CAST: variants seen among roughly 807,000 people sequenced by gnomAD.
CAST encodes calpastatin, also known as MIR583 host.
A neutral mutation model predicts 119.6 loss-of-function variants in CAST; 76 were observed. The observed-to-expected ratio is 0.64, with a 90% CI of 0.53 to 0.77. The LOEUF is 0.77. Ranked by LOEUF, CAST falls within the 30% of genes least tolerant of loss-of-function variation. The pLI is 0.00. For synonymous variants in CAST, 319 were observed against 331.6 expected, an observed-to-expected ratio of 0.96 and a Z score of 0.41; for missense variants, 953 against 946.5, an observed-to-expected ratio of 1.01 and a Z score of -0.09.
intron 9 of CAST, among the ~76,000 whole-genome samples, chr5:96,731,677 C>T (rs1413281425): frequency 6.7e-6 from 1 of 149,248 alleles, no homozygotes; most frequent in African/African-American, 2.5e-5. Flanking sequence ...CACAGTCCCC[C>T]GAGTGTGATA....
the CAST span, among the ~76,000 whole-genome samples, chr5:96,511,951 T>C: frequency 6.6e-6 from 1 of 152,240 alleles, no homozygotes; most frequent in Non-Finnish European, 1.5e-5. Flanking sequence ...GAAAGCCTTC[T>C]CAAAAGGAAA....
chr5:96,591,504 G>T (rs1182255857), intron 1 of CAST, among the ~76,000 whole-genome samples: 1 of 152,046 alleles, frequency 6.6e-6, no homozygotes, highest in African/African-American at 2.4e-5. Context: ...TTTGTCATCT[G>T]GTCTGAGTTA....
At chr5:96,356,759 G>A in the CAST span, among the ~76,000 whole-genome samples, 5 of 152,274 alleles carry the variant, frequency 3.3e-5, no homozygotes, top group African/African-American at 1.2e-4. Flanking sequence ...TTGAAGTCAG[G>A]TAGCGTGATG....
At chr5:96,038,363 C>T in the CAST span, among the ~76,000 whole-genome samples, 8 of 151,468 alleles carry the variant, frequency 5.3e-5, no homozygotes, top group African/African-American at 1.9e-4. Flanking sequence ...GCATAAATAC[C>T]CATTCCTTTT....
chr5:96,505,882 G>A, the CAST span, among the ~76,000 whole-genome samples: 1 of 152,340 alleles, frequency 6.6e-6, no homozygotes, highest in East Asian at 1.9e-4. Flanking sequence ...CCTGGGAAGT[G>A]ATAGACCAGG....
intron 1 of CAST, among the ~76,000 whole-genome samples, chr5:96,646,619 A>T (rs1748016881): frequency 6.6e-6 from 1 of 152,210 alleles, no homozygotes; most frequent in Non-Finnish European, 1.5e-5. Flanking sequence ...CCTGGAATTA[A>T]AATATTAAAA....
intron 1 of CAST, among the ~76,000 whole-genome samples, chr5:96,623,653 T>A (rs1156409482): frequency 6.6e-6 from 1 of 152,208 alleles, no homozygotes; most frequent in Non-Finnish European, 1.5e-5. Context: ...GCATACCTTA[T>A]TGGAAGAAAA....
chr5:96,259,714 C>T, the CAST span, among the ~76,000 whole-genome samples: 1 of 151,990 alleles, frequency 6.6e-6, no homozygotes, highest in Admixed American at 6.6e-5. Context: ...TTCTCTTCTC[C>T]TTCGTTTCCT....
intron 1 of CAST, chr5:96,545,104 C>G (rs1160923212): frequency 6.6e-6 from 1 of 152,180 alleles, no homozygotes; most frequent in East Asian, 1.9e-4. Context: ...AACTGTAGAG[C>G]TGACTTTCTT....
chr5:96,038,419 T>C, the CAST span, among the ~76,000 whole-genome samples: 2 of 152,092 alleles, frequency 1.3e-5, no homozygotes, highest in Admixed American at 6.6e-5. Flanking sequence ...ATGTGAAGAA[T>C]GTGCAGTTTT....
At chr5:96,726,073 A>C (rs1473269337) in intron 4 of CAST, among the ~76,000 whole-genome samples, 1 of 152,260 alleles carries the variant, frequency 6.6e-6, no homozygotes, top group East Asian at 1.9e-4. Context: ...ATAAATAAAA[A>C]CCACTAGTTT....
the CAST span, among the ~76,000 whole-genome samples, chr5:96,223,104 G>C: frequency 3.3e-5 from 5 of 152,084 alleles, no homozygotes; most frequent in Non-Finnish European, 5.9e-5. Flanking sequence ...AGATACCAGA[G>C]GCTGAGAAAG....
At chr5:96,353,287 G>C in the CAST span, among the ~76,000 whole-genome samples, 1 of 152,166 alleles carries the variant, frequency 6.6e-6, no homozygotes, top group African/African-American at 2.4e-5. Context: ...AGTTTAGCTA[G>C]TACAGCACTC....
At chr5:96,022,601 C>T in the CAST span, among the ~76,000 whole-genome samples, 3 of 152,102 alleles carry the variant, frequency 2.0e-5, no homozygotes, top group East Asian at 1.9e-4. Flanking sequence ...TTTTAATTCA[C>T]GACATACAAT....
the CAST span, among the ~76,000 whole-genome samples, chr5:96,052,397 CCA>C: frequency 0.015 from 2,210 of 152,246 alleles, 60 homozygotes; most frequent in African/African-American, 0.049. Flanking sequence ...TACAACCAAA[CCA>C]ATCAGGACAA....
chr5:96,382,202 C>T, the CAST span, among the ~76,000 whole-genome samples: 1 of 152,204 alleles, frequency 6.6e-6, no homozygotes, highest in Non-Finnish European at 1.5e-5. Flanking sequence ...CTGTTCTCAG[C>T]TAGTGTTTGA....
At chr5:96,735,912 A>G (rs913394540) in intron 9 of CAST, among the ~76,000 whole-genome samples, 1 of 152,228 alleles carries the variant, frequency 6.6e-6, no homozygotes, top group African/African-American at 2.4e-5. Context: ...TTGGATTCAA[A>G]TCTTCATTCT....
At chr5:96,647,147 C>T (rs1326112628) in intron 1 of CAST, among the ~76,000 whole-genome samples, 1 of 152,178 alleles carries the variant, frequency 6.6e-6, no homozygotes, top group Admixed American at 6.5e-5. Flanking sequence ...TAGTGACATA[C>T]ACGGATCGGA....
chr5:96,558,248 A>C (rs1260548010), intron 1 of CAST, among the ~76,000 whole-genome samples: 1 of 152,186 alleles, frequency 6.6e-6, no homozygotes, highest in Non-Finnish European at 1.5e-5. Flanking sequence ...CCACAAGAGA[A>C]AGCAGGAAAG....
Sources: allele counts gnomAD v4.1 joint callset (sites outside exome capture counted in the v4.1 genomes callset), GRCh38; gene constraint gnomAD v4.1.1; transcripts MANE v1.5; gene names NCBI Gene and HGNC (gene_info 2026-07-23, HGNC 2026-07-21).